Variants in HAPLN1 observed in about 807,000 individuals in gnomAD.
HAPLN1 encodes hyaluronan and proteoglycan link protein 1, also known as Cartilage link protein.
In HAPLN1, 13 loss-of-function variants were observed where a neutral mutation model predicts 36.5. That is an observed-to-expected ratio of 0.36 (90% CI 0.23 to 0.57). HAPLN1 has a LOEUF of 0.57. Ranked by LOEUF, HAPLN1 falls within the 20% of genes least tolerant of loss-of-function variation. The pLI is 0.83. For missense variants in HAPLN1, 407 were observed against 439.7 expected (o/e 0.93, Z 0.66); for synonymous variants, 202 against 169.8 (o/e 1.19, Z -1.48).
At chr5:83,664,064 A>G (rs1046132230) in intron 2 of HAPLN1, among the ~76,000 whole-genome samples, 1 of 152,178 alleles carries the variant, frequency 6.6e-6, no homozygotes, top group Non-Finnish European at 1.5e-5. Context: ...ACTCTGGACC[A>G]CTTATAAAGT....
At chr5:83,679,796 T>C (rs1750956769) in intron 1 of HAPLN1, among the ~76,000 whole-genome samples, 1 of 152,208 alleles carries the variant, frequency 6.6e-6, no homozygotes, top group African/African-American at 2.4e-5. Flanking sequence ...GTGTGACCCA[T>C]GAAGAAGTGA....
chr5:83,719,702 A>G (rs1751982069), intron 1 of HAPLN1, among the ~76,000 whole-genome samples: 2 of 152,244 alleles, frequency 1.3e-5, no homozygotes, highest in Admixed American at 1.3e-4. Context: ...TTCCATTAAA[A>G]TACTGAAATG....
At chr5:83,697,842 A>C (rs997656387) in intron 1 of HAPLN1, among the ~76,000 whole-genome samples, 17 of 152,136 alleles carry the variant, frequency 1.1e-4, no homozygotes, top group Non-Finnish European at 2.4e-4. Flanking sequence ...TCTCTTTGGG[A>C]GAAATGTCTA....
At chr5:83,718,006 G>A (rs1377217227) in intron 1 of HAPLN1, among the ~76,000 whole-genome samples, 1 of 152,116 alleles carries the variant, frequency 6.6e-6, no homozygotes, top group African/African-American at 2.4e-5. Flanking sequence ...TTAAACCTTA[G>A]AGAAATTTAT....
chr5:83,696,150 TTAAAGAA>T (rs1751385473), intron 1 of HAPLN1, among the ~76,000 whole-genome samples: 1 of 152,046 alleles, frequency 6.6e-6, no homozygotes, highest in South Asian at 2.1e-4. Context: ...AAATTGAAAT[TTAAAGAA>T]TACCATATAC....
At chr5:83,648,395 CT>C (rs1441798784) in intron 3 of HAPLN1, among the ~76,000 whole-genome samples, 1 of 60,658 alleles carries the variant, frequency 1.6e-5, no homozygotes, top group Non-Finnish European at 3.1e-5. Flanking sequence ...CTATATTTGA[CT>C]ATATATATAT....
intron 1 of HAPLN1, among the ~76,000 whole-genome samples, chr5:83,692,636 A>T (rs1561319435): frequency 6.6e-6 from 1 of 152,008 alleles, no homozygotes; most frequent in Non-Finnish European, 1.5e-5. Context: ...AAACTTCTTC[A>T]TGCAGAAGAA....
chr5:83,663,202 G>A (rs1228008576), intron 2 of HAPLN1, among the ~76,000 whole-genome samples: 1 of 152,192 alleles, frequency 6.6e-6, no homozygotes, highest in Non-Finnish European at 1.5e-5. Flanking sequence ...GTCTTAAGAG[G>A]ATGAAGGCTG....
At position 83,714,753 on chromosome 5, in the gene HAPLN1, A is replaced by T. The variant is rs188199701; in HGVS notation, c.-27+6036T>A. 7.9e-5 allele frequency among the ~76,000 whole-genome samples: 12 copies of T among 152,288 alleles called. No individual in the cohort carries two copies. In the East Asian group the frequency reaches 2.3e-3, roughly 29 times the overall value. ...CTGCTCCCTCCCACTAAACCTGGAT[A>T]TTTGGGGTGGCATAAGGGCTCGAAA... On this transcript the variant is annotated intron_variant, in intron 1 of 4. Coordinates refer to ENST00000274341, the MANE Select transcript of HAPLN1 (RefSeq NM_001884.4).
chr5:83,720,639 G>A (rs1258171571), intron 1 of HAPLN1, 150 bp downstream of exon 1: 1 of 152,170 alleles, frequency 6.6e-6, no homozygotes, highest in Non-Finnish European at 1.5e-5. Flanking sequence ...AAAAGTTGAG[G>A]TGTCATATTA....
At chr5:83,682,420 T>G (rs980286145) in intron 1 of HAPLN1, 1 of 152,222 alleles carries the variant, frequency 6.6e-6, no homozygotes, top group African/African-American at 2.4e-5. Flanking sequence ...TGAAAAGTTT[T>G]ATGATCATCG....
chr5:83,675,460 G>T (rs918865342), intron 1 of HAPLN1: 10 of 152,038 alleles, frequency 6.6e-5, no homozygotes, highest in Non-Finnish European at 1.5e-4. Flanking sequence ...ACGTTAGTGT[G>T]GTCATGTATA....
intron 1 of HAPLN1, among the ~76,000 whole-genome samples, chr5:83,708,329 A>G (rs1171172039): frequency 1.3e-5 from 2 of 152,244 alleles, no homozygotes; most frequent in African/African-American, 4.8e-5. Context: ...CATTAATGAC[A>G]GACTAAATAA....
intron 1 of HAPLN1, among the ~76,000 whole-genome samples, chr5:83,690,431 A>T (rs754670642): frequency 6.6e-6 from 1 of 152,078 alleles, no homozygotes. Context: ...GCACAGAATT[A>T]GCTGTTTGGT....
At chr5:83,681,520 AT>A (rs11310763) in intron 1 of HAPLN1, among the ~76,000 whole-genome samples, 1,793 of 150,146 alleles carry the variant, frequency 0.012, 37 homozygotes, top group African/African-American at 0.041. Context: ...TAATTAATGA[AT>A]TTTTTTTTTG....
chr5:83,677,099 G>T (rs942106999), intron 1 of HAPLN1, among the ~76,000 whole-genome samples: 4 of 152,134 alleles, frequency 2.6e-5, no homozygotes, highest in African/African-American at 9.7e-5. Context: ...ATTAGGTAAT[G>T]GGGAGATCAA....
intron 3 of HAPLN1, chr5:83,652,220 C>T (rs1242674334): frequency 6.8e-6 from 3 of 439,710 alleles, no homozygotes; most frequent in South Asian, 7.4e-5. Context: ...TTCCACTGCA[C>T]GTTTCTCCTA....
chr5:83,695,741 A>T (rs1490582116), intron 1 of HAPLN1, among the ~76,000 whole-genome samples: 2 of 150,788 alleles, frequency 1.3e-5, no homozygotes, highest in African/African-American at 2.4e-5. Context: ...CCAACTAAAA[A>T]CTCTTAATAA....
At chr5:83,719,555 T>C (rs1288393543) in intron 1 of HAPLN1, among the ~76,000 whole-genome samples, 1 of 152,226 alleles carries the variant, frequency 6.6e-6, no homozygotes, top group Non-Finnish European at 1.5e-5. Context: ...CATTATATTT[T>C]ACTGAATGGA....
Sources: gnomAD v4.1 joint callset for allele counts (sites outside exome capture counted in the v4.1 genomes callset) on GRCh38, gnomAD v4.1.1 for gene constraint, MANE v1.5 for transcripts, NCBI Gene and HGNC (gene_info 2026-07-23, HGNC 2026-07-21) for gene names.